The following ATP6V1C1 variants were observed in gnomAD, a reference collection of about 807,000 sequenced individuals.
The protein encoded by ATP6V1C1 is V-type proton ATPase subunit C 1.
A neutral mutation model predicts 53.9 loss-of-function variants in ATP6V1C1; 45 were observed. The ratio of observed to expected loss-of-function variants is 0.83; its 90% CI spans 0.66 to 1.07. The LOEUF (loss-of-function observed/expected upper bound fraction) is 1.07. Among genes scored for constraint, ATP6V1C1 ranks in the 50% least tolerant of loss-of-function variants. The pLI, the probability that ATP6V1C1 is intolerant of heterozygous loss-of-function variation, is 0.00. For missense variants in ATP6V1C1, 315 were observed against 440.3 expected, an observed-to-expected ratio of 0.72 and a Z score of 2.55; for synonymous variants, 153 against 155.2, an observed-to-expected ratio of 0.99 and a Z score of 0.11.
intron 3 of ATP6V1C1, among the ~76,000 whole-genome samples, chr8:103,045,604 T>G (rs1449378029): frequency 2.0e-5 from 3 of 152,102 alleles, no homozygotes; most frequent in Admixed American, 1.3e-4. Flanking sequence ...CACTAACTGA[T>G]GGAAAGAATA....
At chr8:103,059,951 A>G (rs1586326128) in intron 8 of ATP6V1C1, among the ~76,000 whole-genome samples, 1 of 150,448 alleles carries the variant, frequency 6.6e-6, no homozygotes, top group Admixed American at 6.6e-5. Flanking sequence ...ATATATGTAT[A>G]TATATATTGT....
intron 10 of ATP6V1C1, 49 bp downstream of exon 10, chr8:103,063,277 G>T (rs1392875595): frequency 8.3e-7 from 1 of 1,210,500 alleles, no homozygotes; most frequent in Non-Finnish European, 1.2e-6. Flanking sequence ...AGAAGAAAAA[G>T]TGGTATTGCT....
chr8:103,052,633 GT>G (rs1230874006), intron 5 of ATP6V1C1, 97 bp from the exon 6 acceptor site: 5 of 577,602 alleles, frequency 8.7e-6, no homozygotes, highest in Non-Finnish European at 1.1e-5. Context: ...AAACTAGTGG[GT>G]TTTTTTGTAG....
intron 1 of ATP6V1C1, among the ~76,000 whole-genome samples, chr8:103,030,776 T>G (rs1026988478): frequency 3.6e-4 from 54 of 148,512 alleles, no homozygotes; most frequent in African/African-American, 1.3e-3. Context: ...ATGGGGGGGG[T>G]CTCTGCAGGA....
At position 103,063,014 on chromosome 8, in the gene ATP6V1C1, T is replaced by A. The variant is rs988768156; in HGVS notation, c.701T>A (p.Val234Asp). The A allele has an allele frequency of 6.2e-7, 1 of 1,613,970 alleles. No homozygotes were observed. Among genetic ancestry groups the A allele is most frequent in the Non-Finnish European group, 8.5e-7 (1 of 1,179,946 alleles). ...LCNVTLFRKA[V>D]DDFRHKAREN... ...AATGTCACCTTGTTTAGGAAGGCAG[T>A]TGATGACTTCAGACACAAAGCCAGA... is the stretch of plus-strand genomic sequence containing the variant. The change falls in exon 9 of 13, where the codon GTT (valine) becomes GAT (aspartate). Residue 234 changes from valine to aspartate, a missense_variant. Physicochemically the swap from Val to Asp is radical, Grantham distance 152. Transcript: ENST00000518738.
At chr8:103,038,451 G>A (rs1816937402) in intron 1 of ATP6V1C1, among the ~76,000 whole-genome samples, 2 of 152,324 alleles carry the variant, frequency 1.3e-5, no homozygotes, top group Middle Eastern at 3.4e-3. Flanking sequence ...AGCATGGAAA[G>A]ACATCTCGCC....
chr8:103,047,563 C>G (rs1817127200), intron 3 of ATP6V1C1, among the ~76,000 whole-genome samples: 1 of 151,694 alleles, frequency 6.6e-6, no homozygotes, highest in Non-Finnish European at 1.5e-5. Flanking sequence ...GAATACTTGT[C>G]CTGAGCCCTG....
chr8:103,055,335 G>A (rs2454046), intron 7 of ATP6V1C1, among the ~76,000 whole-genome samples: 152,254 of 152,266 alleles, frequency 1, 76,121 homozygotes, highest in Middle Eastern at 1. Flanking sequence ...AATCTCAAAC[G>A]TAGTTGTCTC....
At chr8:103,058,653 T>C (rs1189563714) in intron 8 of ATP6V1C1, among the ~76,000 whole-genome samples, 1 of 152,222 alleles carries the variant, frequency 6.6e-6, no homozygotes, top group African/African-American at 2.4e-5. Context: ...TTGGGAGCAG[T>C]GAAGATGAAA....
intron 1 of ATP6V1C1, among the ~76,000 whole-genome samples, chr8:103,022,348 A>G (rs1409379596): frequency 2.6e-5 from 4 of 152,108 alleles, no homozygotes; most frequent in African/African-American, 9.7e-5. Flanking sequence ...TGCACTGCGG[A>G]GAAGTGGGAA....
At chr8:103,052,621 A>G in intron 5 of ATP6V1C1, 110 bp from the exon 6 acceptor site, 2 of 499,412 alleles carry the variant, frequency 4.0e-6, no homozygotes, top group East Asian at 3.3e-5. Context: ...TTCTTACACT[A>G]GAAACTAGTG....
intron 3 of ATP6V1C1, among the ~76,000 whole-genome samples, chr8:103,046,700 G>T (rs1408504522): frequency 2.0e-5 from 3 of 152,122 alleles, no homozygotes; most frequent in Non-Finnish European, 4.4e-5. Flanking sequence ...TTAGACTTTG[G>T]TAGTATTGAC....
intron 4 of ATP6V1C1, among the ~76,000 whole-genome samples, chr8:103,050,329 T>C (rs1362377927): frequency 2.6e-5 from 4 of 152,344 alleles, no homozygotes; most frequent in Admixed American, 2.0e-4. Flanking sequence ...GGGCAGTGCA[T>C]CTAGATAGAG....
chr8:103,033,347 T>C (rs1282293122), intron 1 of ATP6V1C1, among the ~76,000 whole-genome samples: 1 of 152,238 alleles, frequency 6.6e-6, no homozygotes, highest in Non-Finnish European at 1.5e-5. Context: ...TTTAATAAAG[T>C]TGATTTTATA....
intron 1 of ATP6V1C1, among the ~76,000 whole-genome samples, chr8:103,036,601 A>G (rs937257773): frequency 3.9e-5 from 6 of 152,202 alleles, no homozygotes; most frequent in Non-Finnish European, 2.9e-5. Flanking sequence ...AGAATTTATC[A>G]TGACATTATT....
At chr8:103,054,903 T>C (rs943252252) in intron 7 of ATP6V1C1, among the ~76,000 whole-genome samples, 31 of 152,102 alleles carry the variant, frequency 2.0e-4, no homozygotes, top group Admixed American at 1.4e-3. Context: ...TACTAGAAAA[T>C]GATGCCTCCA....
intron 1 of ATP6V1C1, among the ~76,000 whole-genome samples, chr8:103,036,597 TATC>T (rs1172108102): frequency 9.2e-5 from 14 of 152,336 alleles, no homozygotes; most frequent in African/African-American, 3.4e-4. Context: ...GATCAGAATT[TATC>T]ATGACATTAT....
At chr8:103,054,671 A>G (rs922451406) in intron 7 of ATP6V1C1, among the ~76,000 whole-genome samples, 1 of 152,138 alleles carries the variant, frequency 6.6e-6, no homozygotes, top group African/African-American at 2.4e-5. Flanking sequence ...AGTTAATCTT[A>G]AATGAAATGA....
chr8:103,026,684 G>A (rs996179702), intron 1 of ATP6V1C1, among the ~76,000 whole-genome samples: 5 of 152,036 alleles, frequency 3.3e-5, no homozygotes, highest in African/African-American at 1.2e-4. Context: ...ATGGTGGCTC[G>A]TGCCTATAAT....
Sources: allele counts gnomAD v4.1 joint callset (sites outside exome capture counted in the v4.1 genomes callset), GRCh38; gene constraint gnomAD v4.1.1; transcripts MANE v1.5; gene names NCBI Gene and HGNC (gene_info 2026-07-23, HGNC 2026-07-21).